Variants in PDE10A observed in about 807,000 individuals in gnomAD.
The protein encoded by PDE10A is phosphodiesterase 10A.
Under a neutral mutation model 97.7 loss-of-function variants are expected in PDE10A, and 39 were observed. The observed-to-expected ratio is 0.40, with a 90% CI of 0.31 to 0.52. The LOEUF (loss-of-function observed/expected upper bound fraction) is 0.52. Among genes scored for constraint, PDE10A ranks in the 20% least tolerant of loss-of-function variants. PDE10A has a pLI of 0.56. For synonymous variants in PDE10A, 371 were observed against 376.8 expected (o/e 0.98, Z 0.18); for missense variants, 731 against 1,047.8 (o/e 0.70, Z 4.17).
chr6:165,964,777 C>G (rs575940592), intron 1 of PDE10A, among the ~76,000 whole-genome samples: 5 of 152,294 alleles, frequency 3.3e-5, no homozygotes, highest in Admixed American at 1.3e-4. Context: ...TGTTTTGGCT[C>G]TGGGTACACA....
chr6:165,881,565 AT>A (rs3049923), intron 1 of PDE10A, among the ~76,000 whole-genome samples: 220 of 134,408 alleles, frequency 1.6e-3, no homozygotes, highest in African/African-American at 5.0e-3. Context: ...TGCCCAGCTA[AT>A]TTTTTTTTTT....
chr6:165,459,746 G>A (rs1478063557), intron 3 of PDE10A, among the ~76,000 whole-genome samples: 4 of 152,136 alleles, frequency 2.6e-5, no homozygotes, highest in East Asian at 1.9e-4. Flanking sequence ...TGATGGTATC[G>A]GAGGTAATCT....
At chr6:165,684,218 C>T (rs1222779327) in intron 1 of PDE10A, among the ~76,000 whole-genome samples, 1 of 152,172 alleles carries the variant, frequency 6.6e-6, no homozygotes, top group Non-Finnish European at 1.5e-5. Flanking sequence ...TTGGTCTCCT[C>T]TCGCTAAGAT....
At chr6:165,816,810 G>A (rs748027292) in intron 1 of PDE10A, among the ~76,000 whole-genome samples, 4 of 152,180 alleles carry the variant, frequency 2.6e-5, no homozygotes, top group South Asian at 2.1e-4. Context: ...AATGGGTTCC[G>A]GAGGGGGGAA....
chr6:165,716,346 C>G (rs928912012), intron 1 of PDE10A, among the ~76,000 whole-genome samples: 1 of 152,222 alleles, frequency 6.6e-6, no homozygotes, highest in African/African-American at 2.4e-5. Flanking sequence ...GAGGACACTT[C>G]AGGATTAAAT....
intron 1 of PDE10A, among the ~76,000 whole-genome samples, chr6:165,881,903 C>T (rs1376021197): frequency 1.3e-5 from 2 of 152,222 alleles, no homozygotes; most frequent in East Asian, 1.9e-4. Context: ...AAACATTGCC[C>T]GTGACATTAT....
At chr6:165,606,756 A>G (rs828568) in intron 1 of PDE10A, among the ~76,000 whole-genome samples, 46,310 of 151,950 alleles carry the variant, frequency 0.3, 8,106 homozygotes, top group African/African-American at 0.49. Context: ...AAAACAGTAA[A>G]TCAAGTATGA....
At chr6:165,353,597 TTAAA>T (rs1386097699) in intron 18 of PDE10A, among the ~76,000 whole-genome samples, 3 of 152,162 alleles carry the variant, frequency 2.0e-5, no homozygotes, top group Non-Finnish European at 2.9e-5. Context: ...TGGAAGAAAC[TTAAA>T]TGCATATTAC....
chr6:165,482,309 A>C lies in PDE10A; in HGVS notation c.1023+6T>G. 2 of 1,583,554 alleles carry C rather than the reference A, an allele frequency of 1.3e-6. No individual in the cohort carries two copies. The highest frequency in any genetic ancestry group is 1.7e-6 in the Non-Finnish European group (2 of 1,152,424). ...CAGTAGTAGAAATAATATTCACATCACTTACCCTGCTGACTTCCTTAGGAG... is the reference window on the plus strand; with the variant it reads ...CAGTAGTAGAAATAATATTCACATCCCTTACCCTGCTGACTTCCTTAGGAG... On this transcript the variant is annotated splice_donor_region_variant and intron_variant, in intron 3 of 21. Transcript: ENST00000539869.
chr6:165,534,920 A>G (rs1161073900), intron 2 of PDE10A, among the ~76,000 whole-genome samples: 3 of 152,090 alleles, frequency 2.0e-5, no homozygotes, highest in Non-Finnish European at 2.9e-5. Context: ...CTTATTCAAT[A>G]TAGTACTGGA....
intron 1 of PDE10A, among the ~76,000 whole-genome samples, chr6:165,894,917 A>G (rs1482028588): frequency 2.0e-5 from 3 of 152,232 alleles, no homozygotes; most frequent in African/African-American, 7.2e-5. Context: ...AGCTTTAAAT[A>G]TTTCATATCC....
At chr6:165,861,813 G>A (rs961950141) in intron 1 of PDE10A, among the ~76,000 whole-genome samples, 6 of 152,190 alleles carry the variant, frequency 3.9e-5, no homozygotes, top group African/African-American at 1.4e-4. Context: ...ACAGGAGCAA[G>A]AGCCTCCTCT....
chr6:165,424,062 AG>A (rs1486505968), intron 10 of PDE10A, among the ~76,000 whole-genome samples: 2 of 152,102 alleles, frequency 1.3e-5, no homozygotes, highest in African/African-American at 2.4e-5. Context: ...TGGCCCTTCC[AG>A]GACCTTTCTA....
chr6:165,750,567 C>T (rs1439350322), intron 1 of PDE10A, among the ~76,000 whole-genome samples: 1 of 152,198 alleles, frequency 6.6e-6, no homozygotes, highest in Non-Finnish European at 1.5e-5. Flanking sequence ...AAGGTGATTT[C>T]AATCGCCTCG....
intron 1 of PDE10A, among the ~76,000 whole-genome samples, chr6:165,879,464 T>C (rs2128480198): frequency 6.6e-6 from 1 of 152,318 alleles, no homozygotes; most frequent in South Asian, 2.1e-4. Flanking sequence ...CACATGGCCT[T>C]CTTTTGAGGA....
At chr6:165,957,185 T>A (rs922101616) in intron 1 of PDE10A, among the ~76,000 whole-genome samples, 1 of 152,106 alleles carries the variant, frequency 6.6e-6, no homozygotes, top group Non-Finnish European at 1.5e-5. Flanking sequence ...AACAGACTCA[T>A]TCAAAGAGCA....
At chr6:165,650,848 C>T (rs1789650255) in intron 1 of PDE10A, among the ~76,000 whole-genome samples, 1 of 152,020 alleles carries the variant, frequency 6.6e-6, no homozygotes, top group African/African-American at 2.4e-5. Flanking sequence ...AGCGATTCTC[C>T]TGCCTCAGCC....
intron 2 of PDE10A, among the ~76,000 whole-genome samples, chr6:165,498,853 T>G (rs949715816): frequency 1.3e-5 from 2 of 152,190 alleles, no homozygotes; most frequent in Non-Finnish European, 2.9e-5. Flanking sequence ...TACTACTAAC[T>G]TCATTGGTAC....
At chr6:165,602,027 A>C in intron 1 of PDE10A, among the ~76,000 whole-genome samples, 1 of 151,856 alleles carries the variant, frequency 6.6e-6, no homozygotes, top group African/African-American at 2.4e-5. Flanking sequence ...TAATAAGATA[A>C]GTTTGTCCTT....
Sources: gnomAD v4.1 joint callset for allele counts (sites outside exome capture counted in the v4.1 genomes callset) on GRCh38, gnomAD v4.1.1 for gene constraint, MANE v1.5 for transcripts, NCBI Gene and HGNC (gene_info 2026-07-23, HGNC 2026-07-21) for gene names.